Variants in USO1 observed in about 807,000 individuals in gnomAD.
The protein encoded by USO1 is USO1 vesicle transport factor, also known as general vesicular transport factor p115.
Under a neutral mutation model 124.5 loss-of-function variants are expected in USO1, and 57 were observed. The ratio of observed to expected loss-of-function variants is 0.46; its 90% CI spans 0.37 to 0.57. USO1 has a LOEUF of 0.57. Ranked by LOEUF, USO1 falls within the 20% of genes least tolerant of loss-of-function variation. The pLI is 0.00. For synonymous variants in USO1, 369 were observed against 362.8 expected (o/e 1.02, Z -0.19); for missense variants, 900 against 1,040.6 (o/e 0.86, Z 1.86).
intron 3 of USO1, among the ~76,000 whole-genome samples, chr4:75,754,781 C>T (rs961649150): frequency 2.6e-4 from 40 of 152,210 alleles, no homozygotes; most frequent in African/African-American, 8.2e-4. Context: ...AGTTCTGGCT[C>T]AGTGTCAATC....
At chr4:75,754,423 T>C (rs1349835400) in intron 3 of USO1, among the ~76,000 whole-genome samples, 1 of 152,216 alleles carries the variant, frequency 6.6e-6, no homozygotes, top group Non-Finnish European at 1.5e-5. Context: ...ATCTTTGGTT[T>C]TCATTAACTG....
intron 4 of USO1, among the ~76,000 whole-genome samples, chr4:75,769,431 A>G (rs775779582): frequency 1.3e-5 from 2 of 152,162 alleles, no homozygotes; most frequent in Admixed American, 6.5e-5. Context: ...AGATGGGATT[A>G]TGACTGTCAA....
intron 17 of USO1, 26 bp downstream of exon 17, chr4:75,801,226 C>G (rs1408650776): frequency 6.5e-7 from 1 of 1,532,322 alleles, no homozygotes; most frequent in East Asian, 2.3e-5. Context: ...CTGTATATAC[C>G]CTCTGATTAC....
chr4:75,810,364 A>G, intron 21 of USO1, 68 bp from the exon 22 acceptor site: 1 of 1,453,254 alleles, frequency 6.9e-7, no homozygotes, highest in Middle Eastern at 1.8e-4. Flanking sequence ...AAAATTAAAT[A>G]ACCCTTTGGG....
chr4:75,774,888 C>G, intron 8 of USO1, 92 bp downstream of exon 8: 1 of 1,457,024 alleles, frequency 6.9e-7, no homozygotes. Context: ...GAAATGGGGA[C>G]TCTTATTTAT....
intron 13 of USO1, among the ~76,000 whole-genome samples, chr4:75,797,163 G>A (rs907705426): frequency 3.3e-5 from 5 of 151,580 alleles, no homozygotes; most frequent in African/African-American, 4.8e-5. Context: ...AGCGAGACCT[G>A]GTCTCCAATC....
chr4:75,779,967 T>C (rs1722172915), intron 8 of USO1, among the ~76,000 whole-genome samples: 1 of 152,150 alleles, frequency 6.6e-6, no homozygotes, highest in Non-Finnish European at 1.5e-5. Context: ...ACTGTTGACT[T>C]TAAGTTGAAG....
chr4:75,780,663 T>C lies in USO1; in HGVS notation c.677-2017T>C, dbSNP rs937789654. ...GACTTTTTTTTTTTTTTTTTTTTTTTTTGAGATGGAGTCTCACTCTGTCCC... is the reference window on the plus strand; with the variant it reads ...GACTTTTTTTTTTTTTTTTTTTTTTCTTGAGATGGAGTCTCACTCTGTCCC... On this transcript the variant is annotated intron_variant, in intron 8 of 23. Coordinates refer to ENST00000514213, the MANE Select transcript of USO1 (RefSeq NM_003715.4). Among the ~76,000 whole-genome samples, 41 of 144,810 alleles carry C rather than the reference T, an allele frequency of 2.8e-4. No individual in the cohort carries two copies. The East Asian group carries it at 7.7e-3, about 27-fold the overall frequency.
chr4:75,810,215 G>C (rs1723106846), intron 21 of USO1, among the ~76,000 whole-genome samples: 1 of 152,168 alleles, frequency 6.6e-6, no homozygotes, highest in Admixed American at 6.5e-5. Context: ...CCTTAGCCCA[G>C]CCTTCCTCGT....
chr4:75,774,747 T>A lies in USO1; in HGVS notation c.627T>A (p.Ala209=). 6.2e-7 allele frequency: 1 copy of A among 1,613,770 alleles called. No individual in the cohort carries two copies. The highest frequency in any genetic ancestry group is 8.5e-7 in the Non-Finnish European group (1 of 1,179,746). The change falls in exon 8 of 24, where the codon GCT becomes GCA. Residue 209 remains alanine (A), a synonymous_variant. Coordinates refer to ENST00000514213, the MANE Select transcript of USO1 (RefSeq NM_003715.4). ...AGAAAATTGTTGCTTTTGAAAATGC[T>A]TTCGAGAGACTACTGGACATTATTT... ...AIQKIVAFEN[A]FERLLDIISE... is the part of the protein sequence containing the mutation.
At chr4:75,756,420 A>C (rs1266569671) in intron 3 of USO1, among the ~76,000 whole-genome samples, 2 of 98,210 alleles carry the variant, frequency 2.0e-5, no homozygotes, top group African/African-American at 8.4e-5. Context: ...TGAGTCTTAT[A>C]AAGTTAATGA....
chr4:75,774,196 G>C (rs560206226), intron 7 of USO1, among the ~76,000 whole-genome samples: 1 of 152,154 alleles, frequency 6.6e-6, no homozygotes, highest in Non-Finnish European at 1.5e-5. Flanking sequence ...TTAGAATCAA[G>C]TTTTGGGGAT....
intron 17 of USO1, among the ~76,000 whole-genome samples, chr4:75,803,645 G>A (rs1438416071): frequency 2.1e-5 from 3 of 143,202 alleles, no homozygotes; most frequent in South Asian, 2.2e-4. Flanking sequence ...GCGAAACTCC[G>A]TCTCAAAAAA....
At chr4:75,725,300 C>T (rs1331995920) in intron 1 of USO1, among the ~76,000 whole-genome samples, 2 of 152,210 alleles carry the variant, frequency 1.3e-5, no homozygotes, top group African/African-American at 4.8e-5. Flanking sequence ...CTGCTCCCTC[C>T]CTCGCAGTCT....
intron 1 of USO1, among the ~76,000 whole-genome samples, chr4:75,749,850 C>G (rs1289817248): frequency 1.3e-5 from 2 of 151,422 alleles, no homozygotes; most frequent in Non-Finnish European, 2.9e-5. Context: ...CCTCTAGGTT[C>G]ATGCCATTCT....
At chr4:75,794,002 G>T (rs2149184071) in intron 13 of USO1, 101 bp downstream of exon 13, 2 of 1,483,816 alleles carry the variant, frequency 1.3e-6, no homozygotes. Flanking sequence ...GGACAGAGAA[G>T]ACTTATTCTG....
intron 4 of USO1, among the ~76,000 whole-genome samples, chr4:75,766,552 A>G (rs1721774718): frequency 1.3e-5 from 2 of 152,218 alleles, no homozygotes; most frequent in South Asian, 4.1e-4. Flanking sequence ...AGGTCATACA[A>G]CAAAGACGTA....
chr4:75,782,575 A>G (rs1189016889), intron 8 of USO1, 105 bp from the exon 9 acceptor site: 2 of 1,406,504 alleles, frequency 1.4e-6, no homozygotes, highest in South Asian at 1.5e-5. Flanking sequence ...GCCTGGCCAT[A>G]TTGAAGAGAT....
rs1001489256 is a variant in USO1, at chr4:75,805,445, G to A, written c.2289+142G>A. The A allele has an allele frequency of 1.8e-5, 22 of 1,235,464 alleles. No homozygotes were observed. In the Admixed American group the frequency reaches 3.1e-4, roughly 17 times the overall value. 76.5% of individuals were successfully genotyped at this position (1,235,464 alleles called of 1,614,324 possible). On this transcript the variant is annotated intron_variant, in intron 19 of 23. Coordinates refer to ENST00000514213, the MANE Select transcript of USO1 (RefSeq NM_003715.4). ...GGATGGGCCAGGCACAGTGGCTTACGCCTGTAATCCTAGCACTTTGGGAGG... is the reference window on the plus strand; with the variant it reads ...GGATGGGCCAGGCACAGTGGCTTACACCTGTAATCCTAGCACTTTGGGAGG...
Sources: gnomAD v4.1 joint callset for allele counts (sites outside exome capture counted in the v4.1 genomes callset) on GRCh38, gnomAD v4.1.1 for gene constraint, MANE v1.5 for transcripts, NCBI Gene and HGNC (gene_info 2026-07-23, HGNC 2026-07-21) for gene names.